The following CSMD3 variants were observed in gnomAD, a reference collection of about 807,000 sequenced individuals.
CSMD3 encodes CUB and sushi domain-containing protein 3.
A neutral mutation model predicts 435.2 loss-of-function variants in CSMD3; 177 were observed. The ratio of observed to expected loss-of-function variants is 0.41; its 90% CI spans 0.36 to 0.46. The LOEUF is 0.46. CSMD3 is among the 20% of genes least tolerant of loss of function. The pLI is 0.34. For missense variants in CSMD3, 4,265 were observed against 4,504.6 expected (o/e 0.95, Z 1.52); for synonymous variants, 1,656 against 1,520.5 (o/e 1.09, Z -2.07).
chr8:112,908,611 A>G (rs938600367), intron 10 of CSMD3, among the ~76,000 whole-genome samples: 8 of 151,596 alleles, frequency 5.3e-5, no homozygotes, highest in Non-Finnish European at 8.9e-5. Flanking sequence ...ATAGGTTCAC[A>G]ATAGCCAGTA....
intron 16 of CSMD3, among the ~76,000 whole-genome samples, chr8:112,676,619 A>T (rs957817025): frequency 6.6e-6 from 1 of 152,124 alleles, no homozygotes; most frequent in Non-Finnish European, 1.5e-5. Context: ...ATCCTTTTCA[A>T]CTTTCAATCT....
chr8:112,928,962 T>A (rs1190113655), intron 9 of CSMD3, among the ~76,000 whole-genome samples: 1 of 132,128 alleles, frequency 7.6e-6, no homozygotes, highest in East Asian at 2.3e-4. Flanking sequence ...GTTTCCTGAC[T>A]TTTTAATGAT....
At chr8:112,437,315 T>TTTCATTGA (rs1814468324) in intron 32 of CSMD3, among the ~76,000 whole-genome samples, 1 of 152,124 alleles carries the variant, frequency 6.6e-6, no homozygotes, top group South Asian at 2.1e-4. Context: ...TTTTGTTACA[T>TTTCATTGA]TTCATTGATT....
Position 113,377,520 on chromosome 8 carries a change from A to G in CSMD3, c.178+59157T>C, listed in dbSNP as rs182050795. ...TAGGATTTTGTCTTATGTGCCAGCT[A>G]TCTGAAAGCTGAGTTTTAGTTCATT... On this transcript the variant is annotated intron_variant, in intron 1 of 70. Transcript: ENST00000297405. 4.8e-3 allele frequency among the ~76,000 whole-genome samples: 728 copies of G among 152,338 alleles called. 10 individuals are homozygous for G. The highest frequency in any genetic ancestry group is 0.017 in the African/African-American group (701 of 41,568).
chr8:113,387,855 A>C (rs535079326), intron 1 of CSMD3, among the ~76,000 whole-genome samples: 1 of 151,744 alleles, frequency 6.6e-6, no homozygotes, highest in Non-Finnish European at 1.5e-5. Flanking sequence ...TAAATGTATT[A>C]CTGTCATTTT....
intron 1 of CSMD3, among the ~76,000 whole-genome samples, chr8:113,398,869 A>T (rs1346421550): frequency 6.6e-6 from 1 of 151,754 alleles, no homozygotes; most frequent in East Asian, 1.9e-4. Flanking sequence ...CTTGGAAGCC[A>T]TGAAGAGTAA....
chr8:113,395,802 TA>T (rs1309750600), intron 1 of CSMD3, among the ~76,000 whole-genome samples: 4 of 152,272 alleles, frequency 2.6e-5, no homozygotes, highest in Middle Eastern at 3.4e-3. Context: ...CTTTGCTAAA[TA>T]AACGTTTACT....
chr8:112,916,185 C>T (rs1318864528), intron 10 of CSMD3, among the ~76,000 whole-genome samples: 2 of 151,788 alleles, frequency 1.3e-5, no homozygotes, highest in Non-Finnish European at 2.9e-5. Flanking sequence ...TCATTATATG[C>T]ATATTTTTGT....
At chr8:113,121,550 G>T (rs987385845) in intron 4 of CSMD3, among the ~76,000 whole-genome samples, 3 of 152,076 alleles carry the variant, frequency 2.0e-5, no homozygotes, top group Non-Finnish European at 2.9e-5. Flanking sequence ...TTCTCAGTCT[G>T]GGGCTGAATA....
intron 24 of CSMD3, among the ~76,000 whole-genome samples, chr8:112,571,561 A>C (rs1402829907): frequency 6.6e-6 from 1 of 151,840 alleles, no homozygotes; most frequent in Non-Finnish European, 1.5e-5. Flanking sequence ...TGAAACCCAC[A>C]AATATTTCAG....
intron 61 of CSMD3, among the ~76,000 whole-genome samples, chr8:112,262,726 A>G (rs1180208823): frequency 6.6e-6 from 1 of 152,162 alleles, no homozygotes; most frequent in Non-Finnish European, 1.5e-5. Context: ...GAGTGCTCAA[A>G]GAAAAGTAAG....
chr8:112,825,215 A>G (rs2079642259), intron 12 of CSMD3, among the ~76,000 whole-genome samples: 1 of 152,038 alleles, frequency 6.6e-6, no homozygotes, highest in African/African-American at 2.4e-5. Context: ...GTAACCTTTT[A>G]TCAAGGTTCT....
chr8:112,288,484 T>C (rs1819435631), intron 57 of CSMD3, among the ~76,000 whole-genome samples: 2 of 152,082 alleles, frequency 1.3e-5, no homozygotes, highest in Admixed American at 1.3e-4. Context: ...TTGGGGTTAA[T>C]TTACCATTTC....
intron 32 of CSMD3, among the ~76,000 whole-genome samples, chr8:112,431,459 C>T (rs910444303): frequency 6.6e-6 from 1 of 151,870 alleles, no homozygotes; most frequent in Non-Finnish European, 1.5e-5. Context: ...ATACATAAAA[C>T]ATACAGTACA....
At chr8:113,047,456 A>T (rs1384347856) in intron 5 of CSMD3, among the ~76,000 whole-genome samples, 1 of 152,224 alleles carries the variant, frequency 6.6e-6, no homozygotes, top group Non-Finnish European at 1.5e-5. Flanking sequence ...AAAGTCAACC[A>T]CATAGACAGT....
chr8:112,636,657 A>G (rs1339812242), intron 22 of CSMD3, among the ~76,000 whole-genome samples, 160 bp downstream of exon 22: 5 of 152,078 alleles, frequency 3.3e-5, no homozygotes, highest in Non-Finnish European at 7.4e-5. Flanking sequence ...TAGAGAAGTT[A>G]ATTCAGTTAC....
intron 6 of CSMD3, among the ~76,000 whole-genome samples, chr8:112,999,792 G>C (rs1395209386): frequency 6.6e-6 from 1 of 151,686 alleles, no homozygotes; most frequent in Admixed American, 6.6e-5. Context: ...AGGAGTCAAG[G>C]ATGATTTTAA....
In CSMD3 at chr8:112,337,535, A is replaced by G. The variant is rs1232396397; in HGVS notation, c.6841+8T>C. The G allele has an allele frequency of 6.2e-7, 1 of 1,610,342 alleles. No homozygotes were observed. The highest frequency in any genetic ancestry group is 2.2e-5 in the East Asian group (1 of 44,838). ...CACCTAAAAGATAGCTTCAAGTTAG[A>G]AGCATACCTTCACACCTTGGAAGTG... On this transcript the variant is annotated splice_region_variant and intron_variant, in intron 43 of 70. Transcript: ENST00000297405.
intron 1 of CSMD3, among the ~76,000 whole-genome samples, chr8:113,388,010 C>T (rs909200422): frequency 3.3e-5 from 5 of 151,564 alleles, no homozygotes. Flanking sequence ...TTCATCTAGT[C>T]CTGTTGAACC....
Sources: allele counts gnomAD v4.1 joint callset (sites outside exome capture counted in the v4.1 genomes callset), GRCh38; gene constraint gnomAD v4.1.1; transcripts MANE v1.5; gene names NCBI Gene and HGNC (gene_info 2026-07-23, HGNC 2026-07-21).